Variants in FHOD3 observed in about 807,000 individuals in gnomAD.
FHOD3 encodes formin homology 2 domain containing 3, also known as FH1/FH2 domain-containing protein 3.
FHOD3 carries 90 observed loss-of-function variants against 173.0 expected under a neutral mutation model. The ratio of observed to expected loss-of-function variants is 0.52; its 90% CI spans 0.44 to 0.62. FHOD3 has a LOEUF of 0.62. FHOD3 is among the 20% of genes least tolerant of loss of function. The pLI, the probability that FHOD3 is intolerant of heterozygous loss-of-function variation, is 0.00. For missense variants in FHOD3, 1,945 were observed against 2,034.7 expected (o/e 0.96, Z 0.85); for synonymous variants, 828 against 823.0 (o/e 1.01, Z -0.10).
intron 14 of FHOD3, among the ~76,000 whole-genome samples, chr18:36,672,048 G>A (rs768603401): frequency 2.8e-4 from 42 of 152,288 alleles, no homozygotes; most frequent in Middle Eastern, 3.4e-3. Flanking sequence ...ACTTCTTTGG[G>A]AAGCAAGATG....
intron 3 of FHOD3, 75 bp from the exon 4 acceptor site, chr18:36,501,857 A>G (rs948977301): frequency 4.8e-6 from 5 of 1,039,820 alleles, no homozygotes; most frequent in Non-Finnish European, 7.0e-6. Context: ...TTTTGTTATC[A>G]TTCATATCCT....
chr18:36,659,823 G>T (rs975762866), intron 14 of FHOD3, among the ~76,000 whole-genome samples: 6 of 152,308 alleles, frequency 3.9e-5, no homozygotes, highest in South Asian at 4.1e-4. Flanking sequence ...CCCAACCTCT[G>T]CCCGCTTTTC....
At chr18:36,452,608 C>T (rs1304658168) in intron 3 of FHOD3, among the ~76,000 whole-genome samples, 1 of 151,962 alleles carries the variant, frequency 6.6e-6, no homozygotes, top group African/African-American at 2.4e-5. Flanking sequence ...GTTTCCCTGC[C>T]TTCCAGCCCC....
intron 3 of FHOD3, among the ~76,000 whole-genome samples, chr18:36,492,033 C>T (rs1316541033): frequency 2.6e-5 from 4 of 152,108 alleles, no homozygotes; most frequent in Non-Finnish European, 5.9e-5. Flanking sequence ...CCAGAATGTT[C>T]TTGGGTTTAG....
At chr18:36,480,346 G>T (rs892758123) in intron 3 of FHOD3, among the ~76,000 whole-genome samples, 1 of 152,174 alleles carries the variant, frequency 6.6e-6, no homozygotes, top group Non-Finnish European at 1.5e-5. Flanking sequence ...AGAAATATTT[G>T]CACACATACA....
chr18:36,701,687 T>A (rs955067778), intron 17 of FHOD3, among the ~76,000 whole-genome samples: 1 of 152,206 alleles, frequency 6.6e-6, no homozygotes, highest in Non-Finnish European at 1.5e-5. Context: ...AATGTGAGTT[T>A]AGAGTTTACA....
intron 3 of FHOD3, among the ~76,000 whole-genome samples, chr18:36,463,313 A>T (rs1447593896): frequency 7.8e-6 from 1 of 128,648 alleles, no homozygotes; most frequent in Non-Finnish European, 1.6e-5. Flanking sequence ...AAATATATAT[A>T]TGTAATATAT....
At chr18:36,430,696 GGAGT>G (rs770684854) in intron 3 of FHOD3, among the ~76,000 whole-genome samples, 19 of 152,312 alleles carry the variant, frequency 1.2e-4, no homozygotes, top group Non-Finnish European at 1.9e-4. Context: ...GGGTTAGCTA[GGAGT>G]GAGTATTACT....
At chr18:36,314,958 G>A (rs968844067) in intron 1 of FHOD3, among the ~76,000 whole-genome samples, 3 of 152,162 alleles carry the variant, frequency 2.0e-5, no homozygotes, top group Admixed American at 6.5e-5. Flanking sequence ...CATGCTTGAC[G>A]TCCGAGGAAG....
intron 5 of FHOD3, among the ~76,000 whole-genome samples, chr18:36,545,520 C>T (rs769788566): frequency 5.3e-5 from 8 of 152,134 alleles, no homozygotes; most frequent in Non-Finnish European, 4.4e-5. Context: ...GTTTCTGAAT[C>T]GTCAGGAACA....
At chr18:36,440,724 C>G (rs1487364199) in intron 3 of FHOD3, among the ~76,000 whole-genome samples, 2 of 152,250 alleles carry the variant, frequency 1.3e-5, no homozygotes, top group Non-Finnish European at 2.9e-5. Context: ...ATAATAAACT[C>G]TATTAATATC....
intron 3 of FHOD3, among the ~76,000 whole-genome samples, chr18:36,438,973 G>A (rs1233103428): frequency 6.6e-6 from 1 of 152,170 alleles, no homozygotes; most frequent in Non-Finnish European, 1.5e-5. Flanking sequence ...GCTGAACACA[G>A]GCAGTTGCAG....
Position 36,652,823 on chromosome 18 carries a change from A to G in FHOD3, c.1540A>G (p.Lys514Glu). The change falls in exon 12 of 29, where the codon AAG becomes GAG. Residue 514 changes from lysine to glutamate, a missense_variant. By Grantham distance (56) the Lys-to-Glu change is moderately conservative. Transcript: ENST00000590592. Reference sequence around the variant, plus strand: ...CCTGAAGGTGTCACCGACCATAGACAAGCTGCCCTACGTGCCCCACAGCCC... The same window carrying G: ...CCTGAAGGTGTCACCGACCATAGACGAGCTGCCCTACGTGCCCCACAGCCC... ...GSLKVSPTID[K>E]LPYVPHSPFH... 1.3e-6 allele frequency: 2 copies of G among 1,535,794 alleles called. No individual in the cohort carries two copies. The highest frequency in any genetic ancestry group is 3.9e-5 in the Admixed American group (2 of 50,976).
intron 1 of FHOD3, among the ~76,000 whole-genome samples, chr18:36,322,941 G>T (rs1568121158): frequency 6.6e-6 from 1 of 152,198 alleles, no homozygotes; most frequent in Non-Finnish European, 1.5e-5. Flanking sequence ...CAACCCTCAG[G>T]CTGGAGGGTA....
chr18:36,339,850 G>GA (rs1000738568), intron 1 of FHOD3, among the ~76,000 whole-genome samples: 1 of 152,202 alleles, frequency 6.6e-6, no homozygotes, highest in African/African-American at 2.4e-5. Flanking sequence ...GAAGGAGAAT[G>GA]ATTTTTTTCC....
At chr18:36,649,258 C>A in intron 10 of FHOD3, 58 bp from the exon 11 acceptor site, 3 of 1,242,532 alleles carry the variant, frequency 2.4e-6, no homozygotes, top group East Asian at 2.6e-5. Context: ...GTCTGTAATG[C>A]TCATCTCACT....
intron 1 of FHOD3, among the ~76,000 whole-genome samples, chr18:36,303,395 C>T (rs572171749): frequency 1.2e-4 from 18 of 152,258 alleles, no homozygotes; most frequent in African/African-American, 4.1e-4. Context: ...TTGCATGCGG[C>T]TGCCTGTCAC....
chr18:36,580,645 AAT>A (rs1455966832), intron 6 of FHOD3, among the ~76,000 whole-genome samples: 1 of 152,216 alleles, frequency 6.6e-6, no homozygotes, highest in African/African-American at 2.4e-5. Context: ...TTACAAAACC[AAT>A]AGAGTGTCTG....
intron 19 of FHOD3, 54 bp from the exon 20 acceptor site, chr18:36,730,592 A>C (rs1055371706): frequency 4.5e-6 from 7 of 1,565,466 alleles, no homozygotes; most frequent in Non-Finnish European, 5.2e-6. Flanking sequence ...AATGAAATGC[A>C]GAAAGGACCC....
Sources: gnomAD v4.1 joint callset for allele counts (sites outside exome capture counted in the v4.1 genomes callset) on GRCh38, gnomAD v4.1.1 for gene constraint, MANE v1.5 for transcripts, NCBI Gene and HGNC (gene_info 2026-07-23, HGNC 2026-07-21) for gene names.